The following PWWP3A variants were observed in gnomAD, a reference collection of about 807,000 sequenced individuals.
PWWP3A encodes the protein PWWP domain-containing DNA repair factor 3A.
In PWWP3A, 53 loss-of-function variants were observed where a neutral mutation model predicts 79.0. That is an observed-to-expected ratio of 0.67 (90% CI 0.54 to 0.84). The LOEUF is 0.84. Ranked by LOEUF, PWWP3A falls within the 40% of genes least tolerant of loss-of-function variation. PWWP3A has a pLI of 0.00. For synonymous variants in PWWP3A, 443 were observed against 394.4 expected, an observed-to-expected ratio of 1.12 and a Z score of -1.46; for missense variants, 973 against 948.0, an observed-to-expected ratio of 1.03 and a Z score of -0.35.
In PWWP3A at chr19:1,356,326, CA is replaced by C. The variant is rs767060965; in HGVS notation, c.-66del. ...CCACCGTGCAAATTTCGTTCCAGGA[CA>C]CATTGGCGTGAGACCTGGGAGTACG... On this transcript the variant is annotated 5_prime_UTR_variant, in exon 2 of 14. Coordinates refer to ENST00000591337, the MANE Select transcript of PWWP3A (RefSeq NM_001369789.1). 6.6e-7 allele frequency: 1 copy of C among 1,523,734 alleles called. No homozygotes were observed. Among genetic ancestry groups the C allele is most frequent in the South Asian group, 1.1e-5 (1 of 89,126 alleles). 94.4% of individuals were successfully genotyped at this position (1,523,734 alleles called of 1,614,324 possible).
intron 13 of PWWP3A, among the ~76,000 whole-genome samples, chr19:1,374,642 G>A (rs6510605): frequency 0.072 from 10,951 of 152,248 alleles, 541 homozygotes; most frequent in Non-Finnish European, 0.11. Context: ...TTGATCCAGG[G>A]CAGCCCTATT....
At chr19:1,357,939 T>A (rs1216617837) in intron 3 of PWWP3A, 2 of 164,214 alleles carry the variant, frequency 1.2e-5, no homozygotes, top group Non-Finnish European at 2.6e-5. Flanking sequence ...TGAAGCTCGC[T>A]TGGTCCCTAG....
intron 2 of PWWP3A, 24 bp downstream of exon 2, chr19:1,356,473 T>C (rs1319854314): frequency 6.2e-7 from 1 of 1,612,026 alleles, no homozygotes. Flanking sequence ...TTCTGTAACT[T>C]CAGGACTTAG....
intron 8 of PWWP3A, among the ~76,000 whole-genome samples, chr19:1,366,850 C>T (rs559549883): frequency 3.3e-5 from 5 of 152,342 alleles, no homozygotes; most frequent in South Asian, 2.1e-4. Context: ...ATCCCCAAGT[C>T]GAACGCGCAG....
At chr19:1,365,796 G>A (rs2082115460) in intron 7 of PWWP3A, among the ~76,000 whole-genome samples, 1 of 152,262 alleles carries the variant, frequency 6.6e-6, no homozygotes, top group Non-Finnish European at 1.5e-5. Flanking sequence ...GAGAGCGCAG[G>A]GCGGAAGGGC....
At chr19:1,358,798 C>T (rs568839491) in intron 4 of PWWP3A, 5 of 691,694 alleles carry the variant, frequency 7.2e-6, no homozygotes, top group African/African-American at 1.8e-5. Flanking sequence ...TTTTTCCTTT[C>T]CTCTTCCTAT....
At chr19:1,370,573 G>A (rs1600122205) in intron 11 of PWWP3A, 69 bp from the exon 12 acceptor site, 1 of 1,379,606 alleles carries the variant, frequency 7.2e-7, no homozygotes, top group East Asian at 2.6e-5. Context: ...CCTCCCATCG[G>A]CCCTGACCCA....
chr19:1,371,167 G>T, intron 12 of PWWP3A, 89 bp downstream of exon 12: 5 of 1,449,028 alleles, frequency 3.5e-6, no homozygotes, highest in Non-Finnish European at 4.7e-6. Context: ...CACGGTCCTC[G>T]CCCCTGCTCC....
At chr19:1,371,371 A>G (rs2082256522) in intron 12 of PWWP3A, 1 of 703,208 alleles carries the variant, frequency 1.4e-6, no homozygotes, top group Non-Finnish European at 2.6e-6. Flanking sequence ...GGGCGCACAG[A>G]TGCTTCCCAG....
chr19:1,368,519 C>T lies in PWWP3A; in HGVS notation c.1423-746C>T, dbSNP rs554763046. Among the ~76,000 whole-genome samples the T allele has an allele frequency of 1.3e-5, 2 of 152,270 alleles. No homozygotes were observed. Among genetic ancestry groups the T allele is most frequent in the African/African-American group, 4.8e-5 (2 of 41,546 alleles). On this transcript the variant is annotated intron_variant, in intron 9 of 13. Transcript: ENST00000591337. This position sits in a 1 kb window ranked among gnomAD's most constrained non-coding sequence, Gnocchi z 4.7. ...CTGCTGGGCAGGCAGAGAGCGGCGT[C>T]CACCCGGCCCTGGGATGTGCTTATG...
intron 13 of PWWP3A, 96 bp from the exon 14 acceptor site, chr19:1,376,423 G>C: frequency 7.9e-7 from 1 of 1,261,808 alleles, no homozygotes; most frequent in African/African-American, 1.5e-5. Flanking sequence ...CAAAGTGCTG[G>C]GATTACAGGC....
At chr19:1,364,255 G>A (rs1203066087) in intron 6 of PWWP3A, 7 of 636,584 alleles carry the variant, frequency 1.1e-5, no homozygotes, top group Admixed American at 5.5e-5. Flanking sequence ...TGCGTTTGTC[G>A]CAGCTGGGAA....
rs2082426253 is a variant in PWWP3A at position 1,377,486 on chromosome 19, T to C, written c.*910T>C. The C allele has an allele frequency of 6.6e-6, 1 of 152,308 alleles. No individual in the cohort carries two copies. The highest frequency in any genetic ancestry group is 2.1e-4 in the South Asian group (1 of 4,830). The allele number at this position is 152,308 out of a possible 1,614,324, so 9.4% of individuals were successfully genotyped here. A position where few individuals can be genotyped will look rare whatever the true frequency, so the allele number is the denominator to read the frequency against. On this transcript the variant is annotated 3_prime_UTR_variant, in exon 14 of 14. Transcript: ENST00000591337. Reference sequence around the variant, plus strand: ...CCATGGCAGAAGCGCAGCCTTTGTATGGAGGCCCAACCGCGCTCCCGTCTG... The same window carrying C: ...CCATGGCAGAAGCGCAGCCTTTGTACGGAGGCCCAACCGCGCTCCCGTCTG...
chr19:1,360,698 C>A lies in PWWP3A; in HGVS notation c.777C>A (p.Val259=), dbSNP rs1266350767. Residue 259 remains valine, a synonymous_variant, in exon 5 of 14, where the codon GTC becomes GTA. Coordinates refer to ENST00000591337, the MANE Select transcript of PWWP3A (RefSeq NM_001369789.1). This position sits in a 1 kb window ranked among gnomAD's most constrained non-coding sequence, Gnocchi z 4.4. The part of the protein sequence containing the change: ...SWAAPSLPSG[V]REDDPCANAE... ...CAGCCCCGTCCTTGCCCTCCGGGGT[C>A]AGGGAGGACGATCCCTGTGCCAACG... The A allele has an allele frequency of 1.9e-6, 3 of 1,613,416 alleles. No individual in the cohort carries two copies. The highest frequency in any genetic ancestry group is 2.5e-6 in the Non-Finnish European group (3 of 1,179,860).
In PWWP3A at chr19:1,360,638, G is replaced by A. The variant is rs772169365; in HGVS notation, c.717G>A (p.Thr239=). The A allele has an allele frequency of 6.2e-5, 100 of 1,613,468 alleles. 1 individual carries two copies. The highest frequency in any genetic ancestry group is 8.1e-5 in the Non-Finnish European group (96 of 1,179,648). ...LNGSSLSEDD[T]ERDMGSKGGS... is the part of the protein sequence containing the mutation. Reference sequence around the variant, plus strand: ...GATCTTCCCTTTCAGAGGACGACACGGAGAGAGACATGGGGAGCAAAGGAG... The same window carrying A: ...GATCTTCCCTTTCAGAGGACGACACAGAGAGAGACATGGGGAGCAAAGGAG... The change falls in exon 5 of 14, where the codon ACG becomes ACA. Residue 239 remains threonine, a synonymous_variant. Coordinates refer to ENST00000591337, the MANE Select transcript of PWWP3A (RefSeq NM_001369789.1). This position sits in a 1 kb window ranked among gnomAD's most constrained non-coding sequence, Gnocchi z 4.4.
chr19:1,362,097 G>C, intron 5 of PWWP3A, 153 bp from the exon 6 acceptor site: 1 of 477,218 alleles, frequency 2.1e-6, no homozygotes, highest in Non-Finnish European at 3.7e-6. Context: ...TTTATTAGAA[G>C]CGCACTCTGT....
chr19:1,357,216 G>T, intron 3 of PWWP3A, 122 bp downstream of exon 3: 2 of 678,558 alleles, frequency 2.9e-6, no homozygotes, highest in Non-Finnish European at 5.0e-6. Flanking sequence ...CACCATTTGT[G>T]TAATTCATTA....
chr19:1,366,262 T>C, intron 7 of PWWP3A, 43 bp from the exon 8 acceptor site: 1 of 1,585,198 alleles, frequency 6.3e-7, no homozygotes, highest in East Asian at 2.2e-5. Flanking sequence ...AAATCCACGA[T>C]CTCTTTTGTT....
chr19:1,373,032 G>A (rs1172953194), intron 12 of PWWP3A, 40 bp from the exon 13 acceptor site: 3 of 1,595,444 alleles, frequency 1.9e-6, no homozygotes, highest in Non-Finnish European at 2.6e-6. Flanking sequence ...GGGCCAGTTG[G>A]GCAGTGCCTG....
Sources: gnomAD v4.1 joint callset for allele counts (sites outside exome capture counted in the v4.1 genomes callset) on GRCh38, gnomAD v4.1.1 for gene constraint, Gnocchi (gnomAD v3.1) non-coding constraint, MANE v1.5 for transcripts, NCBI Gene and HGNC (gene_info 2026-07-23, HGNC 2026-07-21) for gene names.